CYP7B1: variants seen among roughly 807,000 people sequenced by gnomAD.
CYP7B1 encodes the protein cytochrome P450 7B1.
CYP7B1 carries 29 observed loss-of-function variants against 42.7 expected under a neutral mutation model. That is an observed-to-expected ratio of 0.68 (90% CI 0.51 to 0.93). CYP7B1 has a LOEUF of 0.93. Among genes scored for constraint, CYP7B1 ranks in the 40% least tolerant of loss-of-function variants. The pLI, the probability that CYP7B1 is intolerant of heterozygous loss-of-function variation, is 0.00. For synonymous variants in CYP7B1, 235 were observed against 218.2 expected, an observed-to-expected ratio of 1.08 and a Z score of -0.68; for missense variants, 655 against 600.5, an observed-to-expected ratio of 1.09 and a Z score of -0.95.
chr8:64,654,662 A>C (rs147690730), intron 1 of CYP7B1, among the ~76,000 whole-genome samples: 5 of 152,330 alleles, frequency 3.3e-5, no homozygotes, highest in African/African-American at 1.2e-4. Flanking sequence ...ACAGAACTAG[A>C]GAAAACTATT....
At position 64,593,076 on chromosome 8, in the gene CYP7B1, AT is replaced by A. The variant is rs1390073145; in HGVS notation, c.*3565del. 1.3e-5 allele frequency among the ~76,000 whole-genome samples: 2 copies of A among 152,204 alleles called. No individual in the cohort carries two copies. Among genetic ancestry groups the A allele is most frequent in the African/African-American group, 4.8e-5 (2 of 41,448 alleles). ...AATAAGCCGAAATTGGAATGGAATA[AT>A]TTCCTGTGTTCTCTGTGCCTTAACA... is the stretch of plus-strand genomic sequence containing the variant. On this transcript the variant is annotated 3_prime_UTR_variant, in exon 6 of 6. Coordinates refer to ENST00000310193, the MANE Select transcript of CYP7B1 (RefSeq NM_004820.5).
chr8:64,655,373 C>T (rs1217034526), intron 1 of CYP7B1, among the ~76,000 whole-genome samples: 1 of 152,130 alleles, frequency 6.6e-6, no homozygotes, highest in African/African-American at 2.4e-5. Flanking sequence ...CATGAACAGA[C>T]ACTTTGCAAA....
chr8:64,646,719 C>T (rs1409652885), intron 1 of CYP7B1, among the ~76,000 whole-genome samples: 2 of 152,176 alleles, frequency 1.3e-5, no homozygotes, highest in Non-Finnish European at 2.9e-5. Flanking sequence ...ATCAGCTTTA[C>T]CTTGTACTTC....
intron 1 of CYP7B1, among the ~76,000 whole-genome samples, chr8:64,795,892 T>C (rs887428171): frequency 1.3e-5 from 2 of 152,222 alleles, no homozygotes; most frequent in South Asian, 2.1e-4. Flanking sequence ...CAAAGTACTG[T>C]AGCCAAAAGA....
At chr8:64,601,616 T>C (rs1405763435) in intron 5 of CYP7B1, among the ~76,000 whole-genome samples, 1 of 152,230 alleles carries the variant, frequency 6.6e-6, no homozygotes, top group Non-Finnish European at 1.5e-5. Flanking sequence ...TAATTCTTAA[T>C]ATAGAGGTTG....
At chr8:64,740,468 G>A (rs1303591026) in intron 1 of CYP7B1, among the ~76,000 whole-genome samples, 1 of 151,394 alleles carries the variant, frequency 6.6e-6, no homozygotes, top group East Asian at 1.9e-4. Context: ...TAAGCATAAA[G>A]CAAGCAGAAG....
At chr8:64,645,574 C>T (rs541564021) in intron 1 of CYP7B1, among the ~76,000 whole-genome samples, 1 of 152,332 alleles carries the variant, frequency 6.6e-6, no homozygotes, top group Admixed American at 6.5e-5. Flanking sequence ...AAGAACATTT[C>T]ATGCTCGTGG....
chr8:64,587,577 C>T (rs368371145), downstream of CYP7B1, among the ~76,000 whole-genome samples: 6 of 152,196 alleles, frequency 3.9e-5, no homozygotes, highest in East Asian at 5.8e-4. Context: ...AAGAGCTGCT[C>T]GCTTCCTCAC....
chr8:64,739,486 C>T (rs1807538304), intron 1 of CYP7B1, among the ~76,000 whole-genome samples: 1 of 152,152 alleles, frequency 6.6e-6, no homozygotes, highest in African/African-American at 2.4e-5. Context: ...AGCCTAACAC[C>T]TAGCAAGACT....
chr8:64,597,825 G>A (rs569172422), intron 5 of CYP7B1, among the ~76,000 whole-genome samples: 1 of 152,252 alleles, frequency 6.6e-6, no homozygotes, highest in Admixed American at 6.5e-5. Flanking sequence ...GCATGGAAAC[G>A]ACCAAGTATT....
At chr8:64,722,958 T>C (rs1298242232) in intron 1 of CYP7B1, among the ~76,000 whole-genome samples, 1 of 152,088 alleles carries the variant, frequency 6.6e-6, no homozygotes, top group Non-Finnish European at 1.5e-5. Flanking sequence ...CTCATTAAAA[T>C]AACGTTAAAA....
chr8:64,607,387 C>T (rs539718309), intron 4 of CYP7B1, among the ~76,000 whole-genome samples: 23 of 129,568 alleles, frequency 1.8e-4, no homozygotes, highest in Admixed American at 1.4e-3. Context: ...GTTCTCAATT[C>T]GCTCTAGAAT....
chr8:64,594,485 AG>A lies in CYP7B1; in HGVS notation c.*2156del, dbSNP rs1805088359. 2.0e-5 allele frequency among the ~76,000 whole-genome samples: 3 copies of A among 152,218 alleles called. No homozygotes were observed. The highest frequency in any genetic ancestry group is 4.4e-5 in the Non-Finnish European group (3 of 68,030). ...GTTACATGAAAACATATACATACCAAGATATGCATCAAACACATTAGAATAT... is the reference window on the plus strand; with the variant it reads ...GTTACATGAAAACATATACATACCAAATATGCATCAAACACATTAGAATAT... On this transcript the variant is annotated 3_prime_UTR_variant, in exon 6 of 6. Transcript: ENST00000310193.
Position 64,594,818 on chromosome 8 carries a change from T to C in CYP7B1, c.*1824A>G, listed in dbSNP as rs1230082375. ...AGTGTGGTGAGAAAAGATCAAAGGATGTATGTAGAGTGAGAGGATCTAATG... is the reference window on the plus strand; with the variant it reads ...AGTGTGGTGAGAAAAGATCAAAGGACGTATGTAGAGTGAGAGGATCTAATG... On this transcript the variant is annotated 3_prime_UTR_variant, in exon 6 of 6. Coordinates refer to ENST00000310193, the MANE Select transcript of CYP7B1 (RefSeq NM_004820.5). 6.6e-6 allele frequency among the ~76,000 whole-genome samples: 1 copy of C among 152,150 alleles called. No homozygotes were observed.
At chr8:64,656,453 A>G (rs1048728671) in intron 1 of CYP7B1, among the ~76,000 whole-genome samples, 4 of 152,174 alleles carry the variant, frequency 2.6e-5, no homozygotes, top group African/African-American at 9.7e-5. Context: ...TACACCCTCA[A>G]TCATCTCCTG....
chr8:64,604,824 G>A lies in CYP7B1; in HGVS notation c.1091C>T (p.Ser364Leu), dbSNP rs770065565. ...SSIFEALRLSSYSTTIRFVEE... is the reference protein window; with the variant it reads ...SSIFEALRLSLYSTTIRFVEE... The stretch of plus-strand genomic sequence containing the variant: ...AACAAAACGAATGGTGGTTGAATAT[G>A]AGGACAGTCGTAAAGCTTCAAAAAT... The change falls in exon 5 of 6, where the codon TCA becomes TTA. Residue 364 changes from serine to leucine, a missense_variant. By Grantham distance (145) the Ser-to-Leu change is moderately radical. Coordinates refer to ENST00000310193, the MANE Select transcript of CYP7B1 (RefSeq NM_004820.5). The A allele has an allele frequency of 6.2e-7, 1 of 1,614,146 alleles. No homozygotes were observed. Among genetic ancestry groups the A allele is most frequent in the Non-Finnish European group, 8.5e-7 (1 of 1,180,026 alleles).
chr8:64,628,416 A>G (rs1264405154), intron 1 of CYP7B1, among the ~76,000 whole-genome samples: 1 of 152,272 alleles, frequency 6.6e-6, no homozygotes, highest in East Asian at 1.9e-4. Flanking sequence ...TGGGAGGCTG[A>G]GGGCAGGTCA....
intron 1 of CYP7B1, among the ~76,000 whole-genome samples, chr8:64,726,739 C>T (rs142316489): frequency 1.5e-4 from 23 of 152,270 alleles, no homozygotes; most frequent in African/African-American, 3.1e-4. Flanking sequence ...CTTTTGGAAA[C>T]GATTCTGAAG....
chr8:64,745,666 T>G (rs763194087), intron 1 of CYP7B1, among the ~76,000 whole-genome samples: 12 of 152,154 alleles, frequency 7.9e-5, no homozygotes, highest in Non-Finnish European at 1.6e-4. Context: ...CAGAGAGCCC[T>G]CTAGCTTCCA....
Sources: gnomAD v4.1 joint callset for allele counts (sites outside exome capture counted in the v4.1 genomes callset) on GRCh38, gnomAD v4.1.1 for gene constraint, MANE v1.5 for transcripts, NCBI Gene and HGNC (gene_info 2026-07-23, HGNC 2026-07-21) for gene names.